PON3: variants seen among roughly 807,000 people sequenced by gnomAD.
The protein encoded by PON3 is paraoxonase 3, also known as serum paraoxonase/lactonase 3.
A neutral mutation model predicts 36.3 loss-of-function variants in PON3; 37 were observed. The observed-to-expected ratio is 1.02, with a 90% CI of 0.78 to 1.34. The LOEUF (loss-of-function observed/expected upper bound fraction) is 1.34, where lower values mean the gene tolerates loss of function less well. Ranked by LOEUF, PON3 falls within the 40% of genes most tolerant of loss-of-function variation. The pLI is 0.00. For missense variants in PON3, 415 were observed against 426.5 expected (o/e 0.97, Z 0.24); for synonymous variants, 155 against 154.8 (o/e 1.00, Z -0.01).
intron 3 of PON3, among the ~76,000 whole-genome samples, chr7:95,382,010 C>G (rs1809067560): frequency 6.6e-6 from 1 of 152,176 alleles, no homozygotes; most frequent in Admixed American, 6.5e-5. Context: ...GTCTCTCAGA[C>G]CACAGTGCAA....
chr7:95,379,219 T>C (rs1305702325), intron 3 of PON3, among the ~76,000 whole-genome samples: 1 of 152,156 alleles, frequency 6.6e-6, no homozygotes, highest in Non-Finnish European at 1.5e-5. Context: ...TAAATATACA[T>C]GCATCTGTCC....
At position 95,362,761 on chromosome 7, in the gene PON3, T is replaced by C. The variant is rs759640366; in HGVS notation, c.776A>G (p.Lys259Arg). ...GTGGGCCAGACAGGGTACTCTTACCTTCAGTTGAGTTAAATCCCAGTTATC... is the reference window on the plus strand; with the variant it reads ...GTGGGCCAGACAGGGTACTCTTACCCTCAGTTGAGTTAAATCCCAGTTATC... ...KHDNWDLTQLKVIQLGTLVDN... is the reference protein window; with the variant it reads ...KHDNWDLTQLRVIQLGTLVDN... Residue 259 changes from lysine to arginine, a missense_variant and splice_region_variant, in exon 7 of 9, where the codon AAG becomes AGG. Transcript: ENST00000265627. The C allele has an allele frequency of 1.1e-5, 18 of 1,604,456 alleles. No homozygotes were observed. In the Admixed American group the frequency reaches 2.7e-4, roughly 24 times the overall value.
intron 4 of PON3, among the ~76,000 whole-genome samples, chr7:95,368,059 AAACT>A (rs1250997316): frequency 9.8e-5 from 15 of 152,346 alleles, no homozygotes; most frequent in African/African-American, 3.4e-4. Context: ...GAGATAAAAC[AAACT>A]AACTAATTCT....
At chr7:95,379,202 A>G (rs1281002433) in intron 3 of PON3, among the ~76,000 whole-genome samples, 1 of 152,232 alleles carries the variant, frequency 6.6e-6, no homozygotes, top group Non-Finnish European at 1.5e-5. Context: ...ACAAGAGTTA[A>G]CTATCCTAAA....
intron 3 of PON3, among the ~76,000 whole-genome samples, chr7:95,375,022 G>C (rs1808883965): frequency 1.3e-5 from 2 of 152,000 alleles, no homozygotes; most frequent in Admixed American, 1.3e-4. Flanking sequence ...TCCTCCCAAA[G>C]GGCAGCTCAA....
intron 3 of PON3, among the ~76,000 whole-genome samples, chr7:95,378,872 C>A (rs888809203): frequency 6.6e-6 from 1 of 152,188 alleles, no homozygotes; most frequent in African/African-American, 2.4e-5. Context: ...CAGCTAACAT[C>A]ATAATGACAG....
chr7:95,372,900 A>G (rs985826925), intron 3 of PON3, among the ~76,000 whole-genome samples: 4 of 152,322 alleles, frequency 2.6e-5, no homozygotes, highest in South Asian at 2.1e-4. Context: ...TTTTGTTCCT[A>G]TAGGTATGTC....
At chr7:95,366,929 C>T (rs763699260) in intron 5 of PON3, among the ~76,000 whole-genome samples, 2 of 152,224 alleles carry the variant, frequency 1.3e-5, no homozygotes, top group East Asian at 3.8e-4. Flanking sequence ...TTAAAAAATT[C>T]TACTTTAAAG....
intron 3 of PON3, among the ~76,000 whole-genome samples, chr7:95,387,062 T>C (rs1809209158): frequency 6.6e-6 from 1 of 152,152 alleles, no homozygotes; most frequent in African/African-American, 2.4e-5. Context: ...AGCATTCCAT[T>C]TGAAAACCTG....
chr7:95,376,652 A>G (rs555204501), intron 3 of PON3, among the ~76,000 whole-genome samples: 9 of 152,178 alleles, frequency 5.9e-5, no homozygotes, highest in African/African-American at 9.7e-5. Context: ...TTAAAAAAAA[A>G]AAAGAAAACA....
chr7:95,365,611 C>T (rs770624705), intron 5 of PON3: 1 of 152,234 alleles, frequency 6.6e-6, no homozygotes, highest in Admixed American at 6.5e-5. Context: ...TCCCTCACTG[C>T]ATGTGTTTCC....
At chr7:95,382,465 T>G (rs1232789459) in intron 3 of PON3, among the ~76,000 whole-genome samples, 1 of 151,524 alleles carries the variant, frequency 6.6e-6, no homozygotes, top group Non-Finnish European at 1.5e-5. Context: ...GCAAGACTAA[T>G]AAAGAAGAAA....
At position 95,372,163 on chromosome 7, in the gene PON3, C is replaced by G; in HGVS notation, c.367+10G>C. 6.2e-7 allele frequency: 1 copy of G among 1,611,670 alleles called. No homozygotes were observed. The highest frequency in any genetic ancestry group is 8.5e-7 in the Non-Finnish European group (1 of 1,177,902). Reference sequence around the variant, plus strand: ...CATTTCCCCCTTATCCCTAAACATACAGGTTTTACCTTTGTCGATGAAAAT... The same window carrying G: ...CATTTCCCCCTTATCCCTAAACATAGAGGTTTTACCTTTGTCGATGAAAAT... On this transcript the variant is annotated intron_variant, in intron 4 of 8. Transcript: ENST00000265627.
chr7:95,363,858 C>A lies in PON3; in HGVS notation c.695+5G>T. 1.9e-6 allele frequency: 3 copies of A among 1,612,200 alleles called. No individual in the cohort carries two copies. The highest frequency in any genetic ancestry group is 1.7e-6 in the Non-Finnish European group (2 of 1,178,314). Reference sequence around the variant, plus strand: ...AAGGATAGAAAAATACACAAAAGAGCTTACTTCTGGTCTGCTGAGACTGTG... The same window carrying A: ...AAGGATAGAAAAATACACAAAAGAGATTACTTCTGGTCTGCTGAGACTGTG... On this transcript the variant is annotated splice_donor_5th_base_variant and intron_variant, in intron 6 of 8. Coordinates refer to ENST00000265627, the MANE Select transcript of PON3 (RefSeq NM_000940.3).
chr7:95,374,873 C>T (rs957087336), intron 3 of PON3, among the ~76,000 whole-genome samples: 13 of 152,060 alleles, frequency 8.5e-5, no homozygotes, highest in South Asian at 2.1e-4. Flanking sequence ...CTGTTTTTAT[C>T]GATCCCTCCT....
chr7:95,396,110 T>C (rs1291741111), intron 1 of PON3, 167 bp downstream of exon 1: 12 of 739,948 alleles, frequency 1.6e-5, no homozygotes, highest in South Asian at 1.4e-4. Flanking sequence ...GTAGCTCACT[T>C]TCCCCATAAG....
chr7:95,392,512 C>A (rs17879725), intron 2 of PON3, among the ~76,000 whole-genome samples: 4,148 of 152,274 alleles, frequency 0.027, 108 homozygotes, highest in African/African-American at 0.066. Flanking sequence ...AATACTACTA[C>A]ACCACAAAAC....
chr7:95,360,964 A>G (rs1808556699), intron 8 of PON3, among the ~76,000 whole-genome samples: 1 of 152,162 alleles, frequency 6.6e-6, no homozygotes, highest in African/African-American at 2.4e-5. Flanking sequence ...GGTGTCAGTA[A>G]TTGTGACAAA....
At chr7:95,367,123 A>C (rs902607345) in intron 5 of PON3, among the ~76,000 whole-genome samples, 2 of 152,190 alleles carry the variant, frequency 1.3e-5, no homozygotes, top group Non-Finnish European at 2.9e-5. Context: ...TTAATTGAGC[A>C]CCTTTATAGG....
Sources: gnomAD v4.1 joint callset for allele counts (sites outside exome capture counted in the v4.1 genomes callset) on GRCh38, gnomAD v4.1.1 for gene constraint, MANE v1.5 for transcripts, NCBI Gene and HGNC (gene_info 2026-07-23, HGNC 2026-07-21) for gene names.